CAPSL: variants seen among roughly 807,000 people sequenced by gnomAD.
CAPSL encodes calcyphosine like.
Under a neutral mutation model 21.3 loss-of-function variants are expected in CAPSL, and 17 were observed. The ratio of observed to expected loss-of-function variants is 0.80; its 90% CI spans 0.55 to 1.20. CAPSL has a LOEUF of 1.20. CAPSL is among the 50% of genes most tolerant of loss of function. The probability of loss-of-function intolerance (pLI) is 0.00; values close to 1 mark genes in which losing one functional copy is unlikely to be tolerated. For synonymous variants in CAPSL, 102 were observed against 89.3 expected (o/e 1.14, Z -0.80); for missense variants, 289 against 259.3 (o/e 1.11, Z -0.79).
At position 35,910,372 on chromosome 5, in the gene CAPSL, T is replaced by C. The variant is rs757552496; in HGVS notation, c.309A>G (p.Thr103=). ...GATTAATGGGGCCACTTACTCTTAATGTGAGAAGAAATTCATTGAAGTCTA... is the reference window on the plus strand; with the variant it reads ...GATTAATGGGGCCACTTACTCTTAACGTGAGAAGAAATTCATTGAAGTCTA... ...GTIDFNEFLL[T]LRPPMSRARK... Residue 103 remains threonine, a synonymous_variant, in exon 3 of 5, where the codon ACA becomes ACG. Coordinates refer to ENST00000651391, the MANE Select transcript of CAPSL (RefSeq NM_001042625.2). The C allele has an allele frequency of 3.1e-6, 5 of 1,613,352 alleles. No homozygotes were observed. Among genetic ancestry groups the C allele is most frequent in the Non-Finnish European group, 2.5e-6 (3 of 1,179,738 alleles).
In CAPSL at chr5:35,937,345, C is replaced by T. The variant is rs186927807; in HGVS notation, c.-1+1196G>A. ...ATTCATGCATTGGCCTTTCCTATGT[C>T]TCCAGCCATTTCTAGTAATTCTCCA... On this transcript the variant is annotated intron_variant, in intron 1 of 4. Coordinates refer to ENST00000651391, the MANE Select transcript of CAPSL (RefSeq NM_001042625.2). Among the ~76,000 whole-genome samples the T allele has an allele frequency of 3.9e-5, 6 of 152,310 alleles. No individual in the cohort carries two copies. In the East Asian group the frequency reaches 9.6e-4, roughly 24 times the overall value.
At chr5:35,914,366 A>T (rs1463866239) in intron 2 of CAPSL, among the ~76,000 whole-genome samples, 4 of 152,206 alleles carry the variant, frequency 2.6e-5, no homozygotes, top group African/African-American at 9.6e-5. Flanking sequence ...GACCTAATAG[A>T]CATCTACAGA....
chr5:35,923,570 A>T (rs1436710181), intron 1 of CAPSL, among the ~76,000 whole-genome samples: 1 of 152,256 alleles, frequency 6.6e-6, no homozygotes, highest in Non-Finnish European at 1.5e-5. Flanking sequence ...TTCAGCCATA[A>T]AAAGGAACAC....
chr5:35,934,881 T>G (rs1460559055), intron 1 of CAPSL, among the ~76,000 whole-genome samples: 2 of 152,226 alleles, frequency 1.3e-5, no homozygotes, highest in Non-Finnish European at 2.9e-5. Context: ...GCCAAGACAC[T>G]GATTGGTACA....
intron 1 of CAPSL, among the ~76,000 whole-genome samples, chr5:35,934,282 G>A (rs544746242): frequency 4.6e-5 from 7 of 152,292 alleles, no homozygotes; most frequent in South Asian, 2.1e-4. Context: ...TACAGCAGAC[G>A]TTGGCCCTCT....
At chr5:35,920,264 G>C (rs79683743) in intron 2 of CAPSL, among the ~76,000 whole-genome samples, 1 of 152,172 alleles carries the variant, frequency 6.6e-6, no homozygotes, top group East Asian at 1.9e-4. Context: ...ATGCCATTTA[G>C]ATCACTCATA....
At chr5:35,915,036 C>T (rs1182609815) in intron 2 of CAPSL, among the ~76,000 whole-genome samples, 3 of 152,108 alleles carry the variant, frequency 2.0e-5, no homozygotes, top group East Asian at 1.9e-4. Flanking sequence ...ATATCACCAC[C>T]GATCCCACAG....
chr5:35,910,236 T>A, intron 3 of CAPSL, 130 bp downstream of exon 3: 1 of 1,163,464 alleles, frequency 8.6e-7, no homozygotes, highest in South Asian at 1.6e-5. Flanking sequence ...CCTAAGTCTG[T>A]TCACAGTTTT....
chr5:35,926,307 C>G (rs1025341682), intron 1 of CAPSL, among the ~76,000 whole-genome samples: 6 of 152,116 alleles, frequency 3.9e-5, no homozygotes, highest in African/African-American at 7.2e-5. Flanking sequence ...GTTGCTTGCG[C>G]TCTCCACTCT....
chr5:35,915,278 G>A (rs1429179070), intron 2 of CAPSL, among the ~76,000 whole-genome samples: 1 of 152,134 alleles, frequency 6.6e-6, no homozygotes, highest in Non-Finnish European at 1.5e-5. Flanking sequence ...TTCTACCAGA[G>A]GTACAAGGAG....
chr5:35,923,282 G>A (rs1260811638), intron 1 of CAPSL, among the ~76,000 whole-genome samples: 1 of 152,132 alleles, frequency 6.6e-6, no homozygotes, highest in South Asian at 2.1e-4. Flanking sequence ...GTGAGATCCA[G>A]CTCCTGGATC....
intron 1 of CAPSL, among the ~76,000 whole-genome samples, chr5:35,927,105 G>C (rs1738704570): frequency 6.6e-6 from 1 of 152,204 alleles, no homozygotes; most frequent in South Asian, 2.1e-4. Flanking sequence ...GCAGGGATGT[G>C]CAGTCGCGAT....
chr5:35,928,066 G>A (rs928566119), intron 1 of CAPSL, among the ~76,000 whole-genome samples: 1 of 152,200 alleles, frequency 6.6e-6, no homozygotes, highest in African/African-American at 2.4e-5. Flanking sequence ...GCCTGGCAAG[G>A]ACTATTCTCT....
chr5:35,909,874 C>G lies in CAPSL; in HGVS notation c.517G>C (p.Asp173His). 6.2e-7 allele frequency: 1 copy of G among 1,608,776 alleles called. No homozygotes were observed. Among genetic ancestry groups the G allele is most frequent in the Non-Finnish European group, 8.5e-7 (1 of 1,178,650 alleles). The change falls in exon 4 of 5, where the codon GAT (aspartate) becomes CAT (histidine). Residue 173 changes from aspartate to histidine, a missense_variant. Asp to His is a moderately conservative substitution (Grantham distance 81). Coordinates refer to ENST00000651391, the MANE Select transcript of CAPSL (RefSeq NM_001042625.2). ...TAGGCTCTTTTACTTACCAATCCAT[C>G]TTTGTCATAGGGTGAATCAAAGTTA... ...LDNFDSPYDK[D>H]GLVTPEEFMN...
At chr5:35,914,984 G>T (rs1391350458) in intron 2 of CAPSL, among the ~76,000 whole-genome samples, 2 of 152,120 alleles carry the variant, frequency 1.3e-5, no homozygotes, top group African/African-American at 4.8e-5. Context: ...AAGAAGAAAA[G>T]AGAGAAGAAT....
At chr5:35,909,799 T>C in intron 4 of CAPSL, 67 bp downstream of exon 4, 1 of 1,266,422 alleles carries the variant, frequency 7.9e-7, no homozygotes, top group Non-Finnish European at 1.1e-6. Flanking sequence ...TTTAAGAGTT[T>C]GGACCTATTT....
intron 1 of CAPSL, among the ~76,000 whole-genome samples, chr5:35,934,605 T>C (rs1378758392): frequency 6.6e-6 from 1 of 152,224 alleles, no homozygotes; most frequent in Non-Finnish European, 1.5e-5. Context: ...CAGCTTCCTT[T>C]CTGCCAAGCC....
At chr5:35,924,865 A>G (rs1056769653) in intron 1 of CAPSL, among the ~76,000 whole-genome samples, 2 of 152,232 alleles carry the variant, frequency 1.3e-5, no homozygotes, top group African/African-American at 2.4e-5. Context: ...TCTCAAGTGC[A>G]TAAGGGAGAT....
intron 4 of CAPSL, among the ~76,000 whole-genome samples, chr5:35,906,355 C>A (rs1322702754): frequency 6.6e-6 from 1 of 152,084 alleles, no homozygotes; most frequent in East Asian, 1.9e-4. Flanking sequence ...GACTCCTCTG[C>A]AGCTTCAGCT....
Sources: allele counts gnomAD v4.1 joint callset (sites outside exome capture counted in the v4.1 genomes callset), GRCh38; gene constraint gnomAD v4.1.1; transcripts MANE v1.5; gene names NCBI Gene and HGNC (gene_info 2026-07-23, HGNC 2026-07-21).